Variants in SH3RF3 observed in about 807,000 individuals in gnomAD.
The protein encoded by SH3RF3 is E3 ubiquitin-protein ligase SH3RF3.
In SH3RF3, 29 loss-of-function variants were observed where a neutral mutation model predicts 66.3. That is an observed-to-expected ratio of 0.44 (90% confidence interval 0.33 to 0.60). The LOEUF is 0.60. Among genes scored for constraint, SH3RF3 ranks in the 20% least tolerant of loss-of-function variants. The pLI is 0.04. For synonymous variants in SH3RF3, 583 were observed against 532.0 expected, an observed-to-expected ratio of 1.10 and a Z score of -1.32; for missense variants, 1,194 against 1,190.9, an observed-to-expected ratio of 1.00 and a Z score of -0.04.
At chr2:109,398,093 C>T (rs1217476785) in intron 3 of SH3RF3, among the ~76,000 whole-genome samples, 2 of 152,186 alleles carry the variant, frequency 1.3e-5, no homozygotes, top group Non-Finnish European at 2.9e-5. Flanking sequence ...GACTCCCCTG[C>T]CACAGCCGGT....
chr2:109,376,410 G>A (rs1323242058), intron 3 of SH3RF3, among the ~76,000 whole-genome samples: 4 of 152,206 alleles, frequency 2.6e-5, no homozygotes, highest in Non-Finnish European at 5.9e-5. Context: ...GGCTGCCTCT[G>A]GCTGCTCACA....
At position 109,129,929 on chromosome 2, in the gene SH3RF3, G is replaced by A; in HGVS notation, c.389G>A (p.Ser130Asn). 1.3e-6 allele frequency: 2 copies of A among 1,484,782 alleles called. No individual in the cohort carries two copies. The highest frequency in any genetic ancestry group is 1.8e-6 in the Non-Finnish European group (2 of 1,124,362). The allele number at this position is 1,484,782 out of a possible 1,614,324, so 92.0% of individuals were successfully genotyped here. A position where few individuals can be genotyped will look rare whatever the true frequency, so the allele number is the denominator to read the frequency against. ...CGTCAGCGGCCCCGCGCGGGCACCA[G>A]CCCCGGCGGCAGCCCGCCCGCGCGT... is the stretch of plus-strand genomic sequence containing the variant. The part of the protein sequence containing the change: ...GIRQRPRAGT[S>N]PGGSPPARPI... Residue 130 changes from serine (S) to asparagine (N), a missense_variant, in exon 1 of 10, where the codon AGC becomes AAC. Coordinates refer to ENST00000309415, the MANE Select transcript of SH3RF3 (RefSeq NM_001099289.3).
chr2:109,282,300 G>A (rs1195851263), intron 1 of SH3RF3, among the ~76,000 whole-genome samples: 1 of 129,140 alleles, frequency 7.7e-6, no homozygotes, highest in African/African-American at 2.9e-5. Context: ...TTAGTCTAAC[G>A]TGTTCATAAT....
intron 7 of SH3RF3, among the ~76,000 whole-genome samples, chr2:109,442,286 G>T (rs113142709): frequency 0.013 from 1,938 of 146,224 alleles, 52 homozygotes; most frequent in African/African-American, 0.051. Flanking sequence ...ACTCCAGCCT[G>T]GGCAACGGAG....
At chr2:109,303,413 A>G (rs1006235661) in intron 1 of SH3RF3, among the ~76,000 whole-genome samples, 1 of 152,222 alleles carries the variant, frequency 6.6e-6, no homozygotes, top group Non-Finnish European at 1.5e-5. Context: ...CTCACACTAT[A>G]TTTTTAATGT....
At chr2:109,276,485 T>C (rs901413205) in intron 1 of SH3RF3, among the ~76,000 whole-genome samples, 1 of 152,180 alleles carries the variant, frequency 6.6e-6, no homozygotes, top group Admixed American at 6.5e-5. Flanking sequence ...CAGGTGTCGC[T>C]GCATGGAAGG....
intron 3 of SH3RF3, among the ~76,000 whole-genome samples, chr2:109,376,653 A>C (rs984254120): frequency 1.3e-5 from 2 of 152,200 alleles, no homozygotes; most frequent in African/African-American, 4.8e-5. Context: ...AACCAACTGA[A>C]AAAGACCCCC....
At chr2:109,441,781 A>G (rs1677570873) in intron 7 of SH3RF3, among the ~76,000 whole-genome samples, 1 of 152,226 alleles carries the variant, frequency 6.6e-6, no homozygotes, top group African/African-American at 2.4e-5. Flanking sequence ...CTCATAAAGA[A>G]AACACTGAAA....
At chr2:109,187,800 C>T (rs1456332188) in intron 1 of SH3RF3, among the ~76,000 whole-genome samples, 2 of 152,224 alleles carry the variant, frequency 1.3e-5, no homozygotes, top group Non-Finnish European at 1.5e-5. Flanking sequence ...TCCGACTTCC[C>T]TCTGACACCA....
At position 109,439,251 on chromosome 2, in the gene SH3RF3, C is replaced by T. The variant is rs571292064; in HGVS notation, c.1828+2105C>T. 2.4e-4 allele frequency among the ~76,000 whole-genome samples: 36 copies of T among 152,232 alleles called. No individual in the cohort carries two copies. The East Asian group carries it at 4.8e-3, about 20-fold the overall frequency. Reference sequence around the variant, plus strand: ...TCTTCCATCAGTTTAATGTTACACACGGGGAGAGTGAGGCACGGGATGGTT... The same window carrying T: ...TCTTCCATCAGTTTAATGTTACACATGGGGAGAGTGAGGCACGGGATGGTT... On this transcript the variant is annotated intron_variant, in intron 7 of 9. Transcript: ENST00000309415.
rs116842149 is a variant in SH3RF3 at position 109,161,304 on chromosome 2, G to A, written c.573+31191G>A. Among the ~76,000 whole-genome samples, 1,217 of 152,218 alleles carry A rather than the reference G, an allele frequency of 8.0e-3. 12 individuals carry two copies. The highest frequency in any genetic ancestry group is 0.04 in the East Asian group (206 of 5,162). ...GTGCTACAGAGTTAGGAGTGTGTAG[G>A]AAGACAAGGTGGGGCTAAGTGTGGT... On this transcript the variant is annotated intron_variant, in intron 1 of 9. Transcript: ENST00000309415.
chr2:109,284,906 C>T (rs534583784), intron 1 of SH3RF3, among the ~76,000 whole-genome samples: 24 of 152,362 alleles, frequency 1.6e-4, no homozygotes, highest in Non-Finnish European at 3.2e-4. Flanking sequence ...ACACTGGGCT[C>T]GTCTGCTTCC....
At chr2:109,339,995 T>C (rs376880331) in intron 1 of SH3RF3, among the ~76,000 whole-genome samples, 2 of 152,162 alleles carry the variant, frequency 1.3e-5, no homozygotes, top group African/African-American at 4.8e-5. Flanking sequence ...TGCTGAGGAA[T>C]TTGCCCACCT....
At chr2:109,282,576 T>C (rs1680922060) in intron 1 of SH3RF3, among the ~76,000 whole-genome samples, 1 of 152,114 alleles carries the variant, frequency 6.6e-6, no homozygotes, top group African/African-American at 2.4e-5. Flanking sequence ...CTGGGAACAC[T>C]GGCCAGGAGA....
At chr2:109,411,361 G>A (rs1676583922) in intron 4 of SH3RF3, among the ~76,000 whole-genome samples, 1 of 152,216 alleles carries the variant, frequency 6.6e-6, no homozygotes, top group Non-Finnish European at 1.5e-5. Flanking sequence ...GGTTAGCAGT[G>A]GCTGCTCATC....
At chr2:109,137,646 A>G (rs1676842200) in intron 1 of SH3RF3, among the ~76,000 whole-genome samples, 1 of 152,252 alleles carries the variant, frequency 6.6e-6, no homozygotes, top group African/African-American at 2.4e-5. Flanking sequence ...TTGTTGCTCT[A>G]GGATGAACCC....
chr2:109,244,572 A>C (rs1003874439), intron 1 of SH3RF3, among the ~76,000 whole-genome samples: 1 of 152,212 alleles, frequency 6.6e-6, no homozygotes, highest in Non-Finnish European at 1.5e-5. Flanking sequence ...TGTTCCACCT[A>C]ATAGTTGCTA....
intron 1 of SH3RF3, among the ~76,000 whole-genome samples, chr2:109,241,916 C>T (rs945413886): frequency 2.6e-5 from 4 of 151,958 alleles, no homozygotes; most frequent in African/African-American, 7.3e-5. Flanking sequence ...CAGGGGCCCA[C>T]CACCTCTGCT....
chr2:109,256,535 G>C (rs1043119031), intron 1 of SH3RF3, among the ~76,000 whole-genome samples: 6 of 152,174 alleles, frequency 3.9e-5, no homozygotes, highest in African/African-American at 9.7e-5. Flanking sequence ...TCCACTCCTG[G>C]AGCTTTGAGG....
Sources: allele counts gnomAD v4.1 joint callset (sites outside exome capture counted in the v4.1 genomes callset), GRCh38; gene constraint gnomAD v4.1.1; transcripts MANE v1.5; gene names NCBI Gene and HGNC (gene_info 2026-07-23, HGNC 2026-07-21).